Variants in NDUFS4 observed in about 807,000 individuals in gnomAD.
The protein encoded by NDUFS4 is NADH:ubiquinone oxidoreductase subunit S4.
In NDUFS4, 28 loss-of-function variants were observed where a neutral mutation model predicts 24.3. That is an observed-to-expected ratio of 1.15 (90% CI 0.85 to 1.58). The LOEUF (loss-of-function observed/expected upper bound fraction) is 1.58. NDUFS4 is among the 40% of genes most tolerant of loss of function. The probability of loss-of-function intolerance (pLI) is 0.00; values close to 1 mark genes in which losing one functional copy is unlikely to be tolerated. For synonymous variants in NDUFS4, 93 were observed against 69.7 expected, an observed-to-expected ratio of 1.34 and a Z score of -1.67; for missense variants, 223 against 207.9, an observed-to-expected ratio of 1.07 and a Z score of -0.45.
intron 4 of NDUFS4, among the ~76,000 whole-genome samples, chr5:53,663,597 TG>T (rs910477080): frequency 6.6e-5 from 10 of 152,248 alleles, no homozygotes; most frequent in African/African-American, 2.2e-4. Flanking sequence ...TGGCCTTCTT[TG>T]TCTCTTTTGA....
At chr5:53,591,029 T>C (rs902789389) in intron 1 of NDUFS4, among the ~76,000 whole-genome samples, 1 of 152,252 alleles carries the variant, frequency 6.6e-6, no homozygotes, top group Non-Finnish European at 1.5e-5. Flanking sequence ...TAGAATCATA[T>C]ACTATTCTTT....
At chr5:53,564,502 C>T (rs965797169) in intron 1 of NDUFS4, among the ~76,000 whole-genome samples, 6 of 152,190 alleles carry the variant, frequency 3.9e-5, no homozygotes, top group Non-Finnish European at 8.8e-5. Flanking sequence ...ACTTAGTTTT[C>T]ATCAGTAGCA....
chr5:53,615,284 A>G lies in NDUFS4; in HGVS notation c.177+11754A>G, dbSNP rs1016817722. ...GCCTTATATCTGCCATTTTGTAGTA[A>G]GTTCTCAATGAAGGTAGGGTGAGAG... On this transcript the variant is annotated intron_variant, in intron 2 of 4. Transcript: ENST00000296684. 2.0e-5 allele frequency among the ~76,000 whole-genome samples: 3 copies of G among 152,102 alleles called. No individual in the cohort carries two copies. The South Asian group carries it at 6.2e-4, about 32-fold the overall frequency.
chr5:53,664,504 G>A (rs184660238), intron 4 of NDUFS4, among the ~76,000 whole-genome samples: 41 of 152,206 alleles, frequency 2.7e-4, no homozygotes, highest in Admixed American at 9.2e-4. Flanking sequence ...ATATAGTCCC[G>A]TATTTGTTGG....
intron 1 of NDUFS4, among the ~76,000 whole-genome samples, chr5:53,597,477 A>G (rs1330426198): frequency 6.6e-6 from 1 of 152,194 alleles, no homozygotes; most frequent in African/African-American, 2.4e-5. Flanking sequence ...GAATTTTACT[A>G]AATTATTCTT....
At chr5:53,594,898 G>GTGTC (rs1554055140) in intron 1 of NDUFS4, among the ~76,000 whole-genome samples, 1 of 149,418 alleles carries the variant, frequency 6.7e-6, no homozygotes, top group Non-Finnish European at 1.5e-5. Flanking sequence ...GTGTGTGTGT[G>GTGTC]TATATGCGTT....
intron 1 of NDUFS4, among the ~76,000 whole-genome samples, chr5:53,593,558 A>G (rs1375363834): frequency 1.3e-5 from 2 of 148,926 alleles, no homozygotes; most frequent in Non-Finnish European, 3.0e-5. Context: ...GATGTTTACT[A>G]TAATTTTTTT....
chr5:53,640,122 G>A (rs571845331), intron 2 of NDUFS4, among the ~76,000 whole-genome samples: 32 of 151,794 alleles, frequency 2.1e-4, no homozygotes, highest in Admixed American at 1.5e-3. Flanking sequence ...GGTTGCTTTT[G>A]GGAGACCTTG....
chr5:53,569,842 G>T (rs1749153374), intron 1 of NDUFS4, among the ~76,000 whole-genome samples: 1 of 151,906 alleles, frequency 6.6e-6, no homozygotes, highest in South Asian at 2.1e-4. Context: ...GTACCCCTTA[G>T]GATGTTTTCC....
At chr5:53,631,549 G>A (rs929356579) in intron 2 of NDUFS4, among the ~76,000 whole-genome samples, 12 of 152,194 alleles carry the variant, frequency 7.9e-5, no homozygotes, top group African/African-American at 2.9e-4. Context: ...GTCCCTGACT[G>A]GGGCTGCTTG....
chr5:53,605,190 C>T (rs1405306137), intron 2 of NDUFS4, among the ~76,000 whole-genome samples: 2 of 152,174 alleles, frequency 1.3e-5, no homozygotes, highest in Non-Finnish European at 2.9e-5. Flanking sequence ...CATTACTCTC[C>T]AGCCTGGGCA....
intron 1 of NDUFS4, among the ~76,000 whole-genome samples, chr5:53,585,759 A>G: frequency 6.6e-6 from 1 of 151,328 alleles, no homozygotes; most frequent in Admixed American, 6.6e-5. Context: ...AAAAAAAAGA[A>G]AATTTTTGTG....
chr5:53,661,069 C>T (rs1206099379), intron 4 of NDUFS4, among the ~76,000 whole-genome samples: 2 of 152,142 alleles, frequency 1.3e-5, no homozygotes, highest in African/African-American at 4.8e-5. Context: ...ACATGAAGTC[C>T]TTGCCCATGC....
intron 4 of NDUFS4, among the ~76,000 whole-genome samples, chr5:53,666,811 G>C (rs1225545167): frequency 6.6e-6 from 1 of 152,084 alleles, no homozygotes; most frequent in Admixed American, 6.5e-5. Context: ...GTGCGCACCT[G>C]TAGTCCTGGC....
Position 53,633,585 on chromosome 5 carries a change from CTT to C in NDUFS4, c.178-12643_178-12642del, listed in dbSNP as rs550547269. Among the ~76,000 whole-genome samples, 362 of 152,228 alleles carry C rather than the reference CTT, an allele frequency of 2.4e-3. 1 individual carries two copies. Among genetic ancestry groups the C allele is most frequent in the Admixed American group, 9.1e-3 (139 of 15,294 alleles). ...CGCATAAAAACACACAGGTTTAACTCTTTTTTGGGTCTTCATTTCCGTATGAA... is the reference window on the plus strand; with the variant it reads ...CGCATAAAAACACACAGGTTTAACTCTTTTGGGTCTTCATTTCCGTATGAA... On this transcript the variant is annotated intron_variant, in intron 2 of 4. Transcript: ENST00000296684.
At chr5:53,674,169 A>C (rs1740378760) in intron 4 of NDUFS4, among the ~76,000 whole-genome samples, 1 of 152,216 alleles carries the variant, frequency 6.6e-6, no homozygotes, top group Admixed American at 6.5e-5. Flanking sequence ...TTTATGCTAA[A>C]TTTGAAGAAA....
intron 1 of NDUFS4, among the ~76,000 whole-genome samples, chr5:53,567,688 A>G (rs996800846): frequency 3.9e-5 from 6 of 151,976 alleles, no homozygotes; most frequent in African/African-American, 1.2e-4. Flanking sequence ...TAATAGTGTT[A>G]TATTCTTCCT....
At chr5:53,594,632 G>A (rs1750075219) in intron 1 of NDUFS4, among the ~76,000 whole-genome samples, 1 of 151,602 alleles carries the variant, frequency 6.6e-6, no homozygotes, top group African/African-American at 2.4e-5. Context: ...CATTTTTTAT[G>A]TATCCTACAG....
intron 2 of NDUFS4, among the ~76,000 whole-genome samples, chr5:53,628,900 T>C (rs1009934222): frequency 7.9e-5 from 12 of 152,224 alleles, no homozygotes; most frequent in African/African-American, 2.9e-4. Context: ...CTGATATTAG[T>C]CATTTCTTGC....
Sources: allele counts gnomAD v4.1 joint callset (sites outside exome capture counted in the v4.1 genomes callset), GRCh38; gene constraint gnomAD v4.1.1; transcripts MANE v1.5; gene names NCBI Gene and HGNC (gene_info 2026-07-23, HGNC 2026-07-21).